CNST: variants seen among roughly 807,000 people sequenced by gnomAD.
CNST encodes the protein consortin.
CNST carries 39 observed loss-of-function variants against 72.4 expected under a neutral mutation model. That is an observed-to-expected ratio of 0.54 (90% CI 0.42 to 0.70). The LOEUF is 0.70. Ranked by LOEUF, CNST falls within the 30% of genes least tolerant of loss-of-function variation. The pLI is 0.00. For synonymous variants in CNST, 332 were observed against 320.1 expected (o/e 1.04, Z -0.40); for missense variants, 871 against 868.5 (o/e 1.00, Z -0.04).
At position 246,665,994 on chromosome 1, in the gene CNST, C is replaced by A; in HGVS notation, c.*89C>A. The A allele has an allele frequency of 1.1e-6, 1 of 913,684 alleles. No individual in the cohort carries two copies. The allele number at this position is 913,684 out of a possible 1,614,324, so 56.6% of individuals were successfully genotyped here. On this transcript the variant is annotated 3_prime_UTR_variant, in exon 11 of 11. Coordinates refer to ENST00000366513, the MANE Select transcript of CNST (RefSeq NM_152609.3). ...TTTCTTTCAGGAATTCTGTAGCATT[C>A]CCCCTTCCCTCTGTTAGGAACCAAG...
chr1:246,638,964 G>C (rs915077697), intron 6 of CNST, among the ~76,000 whole-genome samples: 1 of 152,134 alleles, frequency 6.6e-6, no homozygotes, highest in Non-Finnish European at 1.5e-5. Flanking sequence ...GTACACTGCA[G>C]TGAGCTAGCA....
intron 2 of CNST, among the ~76,000 whole-genome samples, chr1:246,599,740 G>GCCTA (rs1662144864): frequency 6.6e-6 from 1 of 152,146 alleles, no homozygotes; most frequent in African/African-American, 2.4e-5. Flanking sequence ...CTGTTATTCT[G>GCCTA]CCTACCACAA....
At chr1:246,645,554 AGTAGCTGG>A (rs1178835058) in intron 8 of CNST, among the ~76,000 whole-genome samples, 1 of 150,320 alleles carries the variant, frequency 6.7e-6, no homozygotes. Context: ...CAGCCTCCCG[AGTAGCTGG>A]GACTACAGGC....
intron 2 of CNST, among the ~76,000 whole-genome samples, chr1:246,599,987 A>G (rs1303814002): frequency 6.6e-6 from 1 of 152,238 alleles, no homozygotes; most frequent in Non-Finnish European, 1.5e-5. Context: ...GGGAGTCATA[A>G]GTAAGCACAT....
intron 8 of CNST, among the ~76,000 whole-genome samples, chr1:246,642,686 T>G (rs1241785493): frequency 6.7e-6 from 1 of 149,282 alleles, no homozygotes; most frequent in East Asian, 2.0e-4. Flanking sequence ...TGTTTTAGGG[T>G]TTTTTTCCCT....
chr1:246,622,716 G>C (rs1259375058), intron 3 of CNST, among the ~76,000 whole-genome samples: 6 of 150,880 alleles, frequency 4.0e-5, no homozygotes, highest in Non-Finnish European at 8.8e-5. Context: ...GCTGGAGACT[G>C]GGGAGCCTTT....
At chr1:246,651,371 T>C (rs1174910972) in intron 9 of CNST, among the ~76,000 whole-genome samples, 4 of 152,078 alleles carry the variant, frequency 2.6e-5, no homozygotes, top group Non-Finnish European at 5.9e-5. Flanking sequence ...CTTTCTACCA[T>C]TGTGTTTGTG....
Position 246,666,015 on chromosome 1 carries a change from C to A in CNST, c.*110C>A. The stretch of plus-strand genomic sequence containing the variant: ...CATTCCCCCTTCCCTCTGTTAGGAA[C>A]CAAGGACATCAGAAATAGCAACTTT... On this transcript the variant is annotated 3_prime_UTR_variant, in exon 11 of 11. Coordinates refer to ENST00000366513, the MANE Select transcript of CNST (RefSeq NM_152609.3). 1.3e-6 allele frequency: 1 copy of A among 748,806 alleles called. No individual in the cohort carries two copies. The highest frequency in any genetic ancestry group is 2.1e-6 in the Non-Finnish European group (1 of 466,736). The allele number at this position is 748,806 out of a possible 1,614,324, so 46.4% of individuals were successfully genotyped here. A position where few individuals can be genotyped will look rare whatever the true frequency, so the allele number is the denominator to read the frequency against.
intron 3 of CNST, among the ~76,000 whole-genome samples, chr1:246,625,410 CTTT>C (rs1160482937): frequency 1.0e-4 from 12 of 115,306 alleles, no homozygotes; most frequent in African/African-American, 3.9e-4. Context: ...CTAATTATTT[CTTT>C]CTTTTTTTTT....
At chr1:246,631,796 A>C (rs1215456783) in intron 3 of CNST, 98 bp from the exon 4 acceptor site, 1 of 832,346 alleles carries the variant, frequency 1.2e-6, no homozygotes, top group African/African-American at 1.7e-5. Flanking sequence ...ATTTGATATC[A>C]AAAACATTTG....
At chr1:246,589,590 T>C (rs1040682622) in intron 1 of CNST, among the ~76,000 whole-genome samples, 1 of 152,202 alleles carries the variant, frequency 6.6e-6, no homozygotes, top group African/African-American at 2.4e-5. Context: ...TGCATGTGTC[T>C]TTATAGCAGC....
intron 2 of CNST, among the ~76,000 whole-genome samples, chr1:246,610,557 G>T (rs879429904): frequency 7.2e-5 from 11 of 152,148 alleles, no homozygotes; most frequent in Non-Finnish European, 1.5e-4. Context: ...TTGAAAACCG[G>T]ACATTGGTGT....
intron 2 of CNST, among the ~76,000 whole-genome samples, chr1:246,595,970 A>AG: frequency 6.6e-6 from 1 of 152,238 alleles, no homozygotes; most frequent in Non-Finnish European, 1.5e-5. Flanking sequence ...GGTTTGCTGG[A>AG]GGCAGTATTT....
At chr1:246,644,862 T>A (rs1039141703) in intron 8 of CNST, among the ~76,000 whole-genome samples, 3 of 152,220 alleles carry the variant, frequency 2.0e-5, no homozygotes, top group African/African-American at 7.2e-5. Context: ...CCCTTTCCTT[T>A]GGATGTGGCC....
chr1:246,618,734 C>CT (rs1273420477), intron 2 of CNST, among the ~76,000 whole-genome samples: 1 of 152,076 alleles, frequency 6.6e-6, no homozygotes. Flanking sequence ...CAATGTATTG[C>CT]TTTTTAATAT....
intron 2 of CNST, among the ~76,000 whole-genome samples, chr1:246,598,641 C>A (rs1662049897): frequency 6.6e-6 from 1 of 152,130 alleles, no homozygotes; most frequent in Non-Finnish European, 1.5e-5. Context: ...TGATAGCTGG[C>A]CTCTAAATCA....
intron 1 of CNST, among the ~76,000 whole-genome samples, chr1:246,585,716 A>G (rs924482394): frequency 3.4e-5 from 5 of 148,954 alleles, no homozygotes; most frequent in African/African-American, 1.2e-4. Context: ...CACACACTAT[A>G]TATGTATACA....
At position 246,591,755 on chromosome 1, in the gene CNST, G is replaced by C; in HGVS notation, c.193G>C (p.Glu65Gln). 3 of 1,614,176 alleles carry C rather than the reference G, an allele frequency of 1.9e-6. No homozygotes were observed. Among genetic ancestry groups the C allele is most frequent in the Non-Finnish European group, 2.5e-6 (3 of 1,180,042 alleles). ...TGCGATGGGAAAGCCCCAAGTGTCT[G>C]AGCAGGACAGTCTCAATAATAATGA... Reference protein sequence around the residue: ...DSAMGKPQVSEQDSLNNNESC... With the variant: ...DSAMGKPQVSQQDSLNNNESC... The change falls in exon 2 of 11, where the codon GAG becomes CAG. Residue 65 changes from glutamate (E) to glutamine (Q), a missense_variant. By Grantham distance (29) the Glu-to-Gln change is conservative (BLOSUM62 2). Coordinates refer to ENST00000366513, the MANE Select transcript of CNST (RefSeq NM_152609.3).
intron 1 of CNST, among the ~76,000 whole-genome samples, chr1:246,585,449 T>C (rs1661074932): frequency 8.6e-5 from 13 of 150,890 alleles, no homozygotes; most frequent in East Asian, 4.0e-4. Context: ...GAGTTCGAGA[T>C]CAGCCTGTCC....
Sources: gnomAD v4.1 joint callset for allele counts (sites outside exome capture counted in the v4.1 genomes callset) on GRCh38, gnomAD v4.1.1 for gene constraint, MANE v1.5 for transcripts, NCBI Gene and HGNC (gene_info 2026-07-23, HGNC 2026-07-21) for gene names.